PPP1R1C: variants seen among roughly 807,000 people sequenced by gnomAD.
PPP1R1C encodes the protein protein phosphatase 1 regulatory subunit 1C.
In PPP1R1C, 15 loss-of-function variants were observed where a neutral mutation model predicts 17.4. The ratio of observed to expected loss-of-function variants is 0.86; its 90% CI spans 0.58 to 1.33. PPP1R1C has a LOEUF of 1.33. Among genes scored for constraint, PPP1R1C ranks in the 40% most tolerant of loss-of-function variants. PPP1R1C has a pLI of 0.00. For missense variants in PPP1R1C, 143 were observed against 130.0 expected, an observed-to-expected ratio of 1.10 and a Z score of -0.48; for synonymous variants, 35 against 43.1, an observed-to-expected ratio of 0.81 and a Z score of 0.73.
chr2:181,969,312 G>C (rs1574343632), intron 1 of PPP1R1C, among the ~76,000 whole-genome samples: 2 of 152,182 alleles, frequency 1.3e-5, no homozygotes, highest in South Asian at 4.1e-4. Flanking sequence ...TTCAGCTTTT[G>C]TTTGGGAAAG....
chr2:182,059,060 A>G (rs1687771102), intron 2 of PPP1R1C, among the ~76,000 whole-genome samples: 1 of 152,096 alleles, frequency 6.6e-6, no homozygotes, highest in South Asian at 2.1e-4. Flanking sequence ...TGTTCCTTTC[A>G]TGAATTTAAA....
chr2:182,026,863 G>C (rs1181701252), intron 2 of PPP1R1C, among the ~76,000 whole-genome samples: 1 of 148,898 alleles, frequency 6.7e-6, no homozygotes, highest in Non-Finnish European at 1.5e-5. Flanking sequence ...TCTTCCATTT[G>C]TTTGTATCCT....
At chr2:182,079,250 C>G (rs992944436) in intron 4 of PPP1R1C, among the ~76,000 whole-genome samples, 1 of 152,122 alleles carries the variant, frequency 6.6e-6, no homozygotes, top group East Asian at 1.9e-4. Flanking sequence ...ACTTACATAG[C>G]AGATGTGTTT....
chr2:181,963,802 T>A (rs933482209), intron 1 of PPP1R1C, among the ~76,000 whole-genome samples: 6 of 151,770 alleles, frequency 4.0e-5, no homozygotes, highest in South Asian at 2.1e-4. Flanking sequence ...GTTTTTTTTT[T>A]AATTTTAATT....
chr2:182,003,004 C>G (rs564753207), intron 2 of PPP1R1C, among the ~76,000 whole-genome samples: 1 of 134,158 alleles, frequency 7.5e-6, no homozygotes, highest in African/African-American at 2.7e-5. Context: ...GACCTGTATT[C>G]TTTCCCATAG....
rs1198720734 is a variant in PPP1R1C at position 182,106,943 on chromosome 2, G to T, written c.242-10264G>T. Among the ~76,000 whole-genome samples, 8 of 152,180 alleles carry T rather than the reference G, an allele frequency of 5.3e-5. No homozygotes were observed. The East Asian group carries it at 1.5e-3, about 29-fold the overall frequency. On this transcript the variant is annotated intron_variant, in intron 4 of 4. Coordinates refer to ENST00000682840, the MANE Select transcript of PPP1R1C (RefSeq NM_001080545.3). The stretch of plus-strand genomic sequence containing the variant: ...ACCCCCACTGCATGCCCTTCGAGGG[G>T]TATAAGGAAAAACTCCTCCCATTTC...
At chr2:182,056,668 C>T (rs1245138285) in intron 2 of PPP1R1C, among the ~76,000 whole-genome samples, 5 of 152,264 alleles carry the variant, frequency 3.3e-5, no homozygotes, top group African/African-American at 7.2e-5. Context: ...TGGGTCAGTG[C>T]TCTTTAGCAG....
chr2:182,082,799 C>G (rs1253918274), intron 4 of PPP1R1C, among the ~76,000 whole-genome samples: 2 of 152,124 alleles, frequency 1.3e-5, no homozygotes, highest in African/African-American at 4.8e-5. Flanking sequence ...TGTGTTGCCC[C>G]AGACCACCCT....
Position 182,061,448 on chromosome 2 carries a change from A to G in PPP1R1C, c.149A>G (p.Asp50Gly). 2 of 1,472,986 alleles carry G rather than the reference A, an allele frequency of 1.4e-6. No homozygotes were observed. The highest frequency in any genetic ancestry group is 1.8e-6 in the Non-Finnish European group (2 of 1,109,356). The allele number at this position is 1,472,986 out of a possible 1,614,324, so 91.2% of individuals were successfully genotyped here. ...CTACCTACTTCTCTTACAGAAATAG[A>G]TGACAAGAGGGGGCCCAACACACAA... Reference protein sequence around the residue: ...ILNEHNPPEIDDKRGPNTQGE... With the variant: ...ILNEHNPPEIGDKRGPNTQGE... The change falls in exon 3 of 5, where the codon GAT becomes GGT. Residue 50 changes from aspartate to glycine, a missense_variant. Physicochemically the swap from Asp to Gly is moderately conservative, Grantham distance 94. Transcript: ENST00000682840.
At chr2:182,035,922 C>A (rs1686990138) in intron 2 of PPP1R1C, among the ~76,000 whole-genome samples, 2 of 152,084 alleles carry the variant, frequency 1.3e-5, no homozygotes, top group Non-Finnish European at 2.9e-5. Context: ...TCTGACTAAT[C>A]CTAGAATGAT....
chr2:182,126,790 A>C (rs1199925442), intron 5 of PPP1R1C, among the ~76,000 whole-genome samples: 1 of 152,030 alleles, frequency 6.6e-6, no homozygotes, highest in Non-Finnish European at 1.5e-5. Context: ...AATATATTTC[A>C]TGCAGGCAAT....
intron 4 of PPP1R1C, among the ~76,000 whole-genome samples, chr2:182,084,277 TC>T (rs1688565856): frequency 6.6e-6 from 1 of 152,130 alleles, no homozygotes; most frequent in Non-Finnish European, 1.5e-5. Flanking sequence ...TTTAATTAGG[TC>T]CCGTTTATTT....
At chr2:182,092,913 A>G (rs1028343172) in intron 4 of PPP1R1C, among the ~76,000 whole-genome samples, 9 of 152,088 alleles carry the variant, frequency 5.9e-5, no homozygotes, top group Admixed American at 6.6e-5. Flanking sequence ...CAGGTGCACA[A>G]TGCAAGCTGT....
At chr2:182,071,180 T>C (rs187164154) in intron 4 of PPP1R1C, among the ~76,000 whole-genome samples, 17 of 152,354 alleles carry the variant, frequency 1.1e-4, no homozygotes, top group African/African-American at 4.1e-4. Context: ...TGTCTTCTCT[T>C]CTATTCTAGG....
intron 4 of PPP1R1C, chr2:182,103,669 T>G (rs886763933): frequency 5.9e-5 from 9 of 152,038 alleles, no homozygotes; most frequent in Non-Finnish European, 1.3e-4. Flanking sequence ...AAAAGCAGGG[T>G]CAGAGCAAAA....
exon 6 of PPP1R1C, chr2:182,129,267 T>A (rs1689948135): frequency 6.6e-6 from 1 of 152,286 alleles, no homozygotes; most frequent in South Asian, 2.1e-4. Flanking sequence ...AAAAAAGGGA[T>A]CTTGAGTTTA....
intron 2 of PPP1R1C, among the ~76,000 whole-genome samples, chr2:182,050,337 C>T (rs1687472049): frequency 6.6e-6 from 1 of 152,162 alleles, no homozygotes; most frequent in Non-Finnish European, 1.5e-5. Context: ...TTATCTTCAC[C>T]ATCTGTTTAT....
intron 4 of PPP1R1C, among the ~76,000 whole-genome samples, chr2:182,105,409 G>C (rs188909938): frequency 2.6e-5 from 4 of 152,148 alleles, no homozygotes; most frequent in Non-Finnish European, 5.9e-5. Flanking sequence ...TCTCCATTGG[G>C]GTTCAGGCAT....
At chr2:182,012,289 G>T (rs1185875179) in intron 2 of PPP1R1C, among the ~76,000 whole-genome samples, 1 of 151,740 alleles carries the variant, frequency 6.6e-6, no homozygotes, top group East Asian at 1.9e-4. Flanking sequence ...GTGCTTCATG[G>T]GTGGGTGCAT....
Sources: allele counts gnomAD v4.1 joint callset (sites outside exome capture counted in the v4.1 genomes callset), GRCh38; gene constraint gnomAD v4.1.1; transcripts MANE v1.5; gene names NCBI Gene and HGNC (gene_info 2026-07-23, HGNC 2026-07-21).